The following APBA1 variants were observed in gnomAD, a reference collection of about 807,000 sequenced individuals.
APBA1 encodes amyloid beta precursor protein binding family A member 1.
In APBA1, 55 loss-of-function variants were observed where a neutral mutation model predicts 86.6. The observed-to-expected ratio is 0.64, with a 90% confidence interval of 0.51 to 0.80. The LOEUF is 0.80. Ranked by LOEUF, APBA1 falls within the 30% of genes least tolerant of loss-of-function variation. The probability of loss-of-function intolerance (pLI) is 0.00; values close to 1 mark genes in which losing one functional copy is unlikely to be tolerated. For synonymous variants in APBA1, 511 were observed against 493.9 expected, an observed-to-expected ratio of 1.03 and a Z score of -0.46; for missense variants, 1,090 against 1,183.0, an observed-to-expected ratio of 0.92 and a Z score of 1.15.
intron 1 of APBA1, among the ~76,000 whole-genome samples, chr9:69,605,088 G>A: frequency 6.6e-6 from 1 of 152,142 alleles, no homozygotes; most frequent in East Asian, 1.9e-4. Context: ...AGAATGATTT[G>A]GGGGGTAAAA....
chr9:69,439,141 G>A (rs368928379), intron 11 of APBA1, among the ~76,000 whole-genome samples: 69 of 89,416 alleles, frequency 7.7e-4, no homozygotes, highest in African/African-American at 3.1e-3. Flanking sequence ...TTTCTGCCAA[G>A]AGATCCGCTG....
At chr9:69,614,382 T>C (rs1822654933) in intron 1 of APBA1, among the ~76,000 whole-genome samples, 1 of 152,194 alleles carries the variant, frequency 6.6e-6, no homozygotes, top group Non-Finnish European at 1.5e-5. Context: ...TGAGAAACAT[T>C]GTCAAATGAT....
intron 2 of APBA1, among the ~76,000 whole-genome samples, chr9:69,495,001 G>A (rs1185157090): frequency 6.6e-6 from 1 of 152,142 alleles, no homozygotes; most frequent in Non-Finnish European, 1.5e-5. Flanking sequence ...GGAATTGGAG[G>A]TACACTGCCC....
intron 1 of APBA1, among the ~76,000 whole-genome samples, chr9:69,570,674 C>T (rs1459869325): frequency 1.3e-5 from 2 of 152,066 alleles, no homozygotes; most frequent in African/African-American, 2.4e-5. Flanking sequence ...AGAATAGCCC[C>T]CTTTGTCTTT....
At chr9:69,461,872 G>C (rs1386752833) in intron 5 of APBA1, 1 of 152,194 alleles carries the variant, frequency 6.6e-6, no homozygotes, top group Non-Finnish European at 1.5e-5. Context: ...AAATGAGATT[G>C]AGATAATGCA....
chr9:69,560,300 T>C (rs1257470766), intron 1 of APBA1, among the ~76,000 whole-genome samples: 1 of 152,204 alleles, frequency 6.6e-6, no homozygotes, highest in Non-Finnish European at 1.5e-5. Flanking sequence ...TATTTGAGGT[T>C]AAAGGAGACT....
intron 3 of APBA1, 30 bp from the exon 4 acceptor site, chr9:69,471,725 G>C: frequency 6.3e-7 from 1 of 1,590,750 alleles, no homozygotes; most frequent in Non-Finnish European, 8.6e-7. Flanking sequence ...GTTTCAAAAA[G>C]AGCAAAGCAT....
At chr9:69,580,941 G>A (rs1283038069) in intron 1 of APBA1, among the ~76,000 whole-genome samples, 3 of 152,018 alleles carry the variant, frequency 2.0e-5, no homozygotes, top group Admixed American at 2.0e-4. Flanking sequence ...GCCCCTGATG[G>A]GTATTCTGAC....
chr9:69,502,407 C>A (rs1176269625), intron 2 of APBA1, among the ~76,000 whole-genome samples: 1 of 151,978 alleles, frequency 6.6e-6, no homozygotes, highest in Non-Finnish European at 1.5e-5. Context: ...ATTCTCCCAT[C>A]TCTTTTTGTT....
At chr9:69,489,918 G>C (rs1034294968) in intron 2 of APBA1, among the ~76,000 whole-genome samples, 1 of 152,160 alleles carries the variant, frequency 6.6e-6, no homozygotes, top group East Asian at 1.9e-4. Flanking sequence ...TCAGTGTGGC[G>C]ATTCCTCAGG....
intron 1 of APBA1, among the ~76,000 whole-genome samples, chr9:69,629,690 T>A (rs1822999994): frequency 6.6e-6 from 1 of 152,194 alleles, no homozygotes; most frequent in African/African-American, 2.4e-5. Flanking sequence ...TCACTCAACA[T>A]ATTACATATT....
At chr9:69,441,449 T>C (rs1032570087) in intron 10 of APBA1, among the ~76,000 whole-genome samples, 24 of 152,172 alleles carry the variant, frequency 1.6e-4, no homozygotes, top group Non-Finnish European at 1.5e-4. Context: ...GATGTCCTTT[T>C]TGGCTTCAAA....
At chr9:69,444,295 G>A (rs1834872795) in intron 10 of APBA1, among the ~76,000 whole-genome samples, 1 of 152,182 alleles carries the variant, frequency 6.6e-6, no homozygotes, top group Admixed American at 6.5e-5. Flanking sequence ...TCTCCCTGGG[G>A]AAATGAACAT....
chr9:69,664,769 G>A (rs1460575373), intron 1 of APBA1, among the ~76,000 whole-genome samples: 2 of 152,118 alleles, frequency 1.3e-5, no homozygotes, highest in Non-Finnish European at 2.9e-5. Flanking sequence ...CTATAACAGA[G>A]CGTATCTTAC....
chr9:69,638,631 A>C (rs1182747492), intron 1 of APBA1, among the ~76,000 whole-genome samples: 1 of 152,242 alleles, frequency 6.6e-6, no homozygotes, highest in Non-Finnish European at 1.5e-5. Context: ...GCATGCAGGC[A>C]TGTGCATGTT....
At chr9:69,511,040 A>G (rs1255778262) in intron 2 of APBA1, among the ~76,000 whole-genome samples, 17 of 151,914 alleles carry the variant, frequency 1.1e-4, no homozygotes, top group South Asian at 2.1e-4. Flanking sequence ...AAACACCAAA[A>G]GCAATGGCAA....
At chr9:69,565,358 A>G (rs1233836512) in intron 1 of APBA1, among the ~76,000 whole-genome samples, 1 of 152,106 alleles carries the variant, frequency 6.6e-6, no homozygotes, top group Non-Finnish European at 1.5e-5. Flanking sequence ...CCTGAGATTT[A>G]CATACACGGC....
intron 1 of APBA1, among the ~76,000 whole-genome samples, chr9:69,592,050 G>C (rs769173201): frequency 1.3e-5 from 2 of 152,096 alleles, no homozygotes; most frequent in African/African-American, 2.4e-5. Context: ...CACAAAGATT[G>C]GTCCTCTCCT....
At chr9:69,619,560 A>G (rs565256969) in intron 1 of APBA1, among the ~76,000 whole-genome samples, 2 of 152,336 alleles carry the variant, frequency 1.3e-5, no homozygotes, top group South Asian at 2.1e-4. Context: ...ATCAAGAGCC[A>G]TACAAAGGCA....
Sources: allele counts gnomAD v4.1 joint callset (sites outside exome capture counted in the v4.1 genomes callset), GRCh38; gene constraint gnomAD v4.1.1; transcripts MANE v1.5; gene names NCBI Gene and HGNC (gene_info 2026-07-23, HGNC 2026-07-21).